Variants in CNTN4 observed in about 807,000 individuals in gnomAD.
CNTN4 encodes contactin 4, also known as contactin-4.
CNTN4 carries 77 observed loss-of-function variants against 122.5 expected under a neutral mutation model. The ratio of observed to expected loss-of-function variants is 0.63; its 90% CI spans 0.52 to 0.76. The LOEUF (loss-of-function observed/expected upper bound fraction) is 0.76, where lower values mean the gene tolerates loss of function less well. Among genes scored for constraint, CNTN4 ranks in the 30% least tolerant of loss-of-function variants. The pLI, the probability that CNTN4 is intolerant of heterozygous loss-of-function variation, is 0.00. For synonymous variants in CNTN4, 512 were observed against 447.0 expected, an observed-to-expected ratio of 1.15 and a Z score of -1.83; for missense variants, 1,256 against 1,259.1, an observed-to-expected ratio of 1.00 and a Z score of 0.04.
chr3:2,672,347 G>C (rs1017886772), intron 4 of CNTN4, among the ~76,000 whole-genome samples: 1 of 152,178 alleles, frequency 6.6e-6, no homozygotes, highest in Non-Finnish European at 1.5e-5. Flanking sequence ...CTGCTGCCTT[G>C]CAGTTTGATC....
chr3:2,707,041 T>G (rs1337856776), intron 4 of CNTN4, among the ~76,000 whole-genome samples: 1 of 152,054 alleles, frequency 6.6e-6, no homozygotes, highest in Non-Finnish European at 1.5e-5. Context: ...GGCTCATGCT[T>G]GTAGTCCCAG....
intron 2 of CNTN4, among the ~76,000 whole-genome samples, chr3:2,112,828 G>A (rs2033067301): frequency 6.6e-6 from 1 of 152,114 alleles, no homozygotes; most frequent in Non-Finnish European, 1.5e-5. Context: ...TTCCTGGAGA[G>A]AGACCCCCAT....
intron 4 of CNTN4, among the ~76,000 whole-genome samples, chr3:2,603,401 G>C (rs904225697): frequency 1.3e-5 from 2 of 152,106 alleles, no homozygotes; most frequent in African/African-American, 4.8e-5. Context: ...GGAAGTCCTG[G>C]TTTATCGGTA....
At chr3:2,576,230 A>G (rs1474357180) in intron 4 of CNTN4, among the ~76,000 whole-genome samples, 4 of 152,192 alleles carry the variant, frequency 2.6e-5, no homozygotes. Context: ...CTGTATTCCC[A>G]GCATCCAGAA....
chr3:2,249,570 T>C (rs1198304121), intron 2 of CNTN4, among the ~76,000 whole-genome samples: 2 of 151,858 alleles, frequency 1.3e-5, no homozygotes, highest in Non-Finnish European at 2.9e-5. Flanking sequence ...GTTTAGTCAT[T>C]TGTTGAGGTT....
At chr3:2,134,642 A>G (rs1216810507) in intron 2 of CNTN4, among the ~76,000 whole-genome samples, 1 of 152,108 alleles carries the variant, frequency 6.6e-6, no homozygotes, top group Non-Finnish European at 1.5e-5. Context: ...GGCTGGTCCT[A>G]TTTTTGGTTG....
At chr3:2,970,163 T>C (rs577471909) in intron 13 of CNTN4, among the ~76,000 whole-genome samples, 1 of 152,204 alleles carries the variant, frequency 6.6e-6, no homozygotes, top group Admixed American at 6.5e-5. Context: ...AGCATAATCG[T>C]AGCTCATTTT....
intron 6 of CNTN4, among the ~76,000 whole-genome samples, chr3:2,797,177 T>C (rs2092212352): frequency 6.6e-6 from 1 of 152,132 alleles, no homozygotes; most frequent in South Asian, 2.1e-4. Flanking sequence ...ATTTTTTAAT[T>C]TTTTGTCAAG....
chr3:2,260,253 T>C (rs922502434), intron 2 of CNTN4, among the ~76,000 whole-genome samples: 2 of 152,096 alleles, frequency 1.3e-5, no homozygotes, highest in Non-Finnish European at 2.9e-5. Context: ...GAGGGTGTCC[T>C]GCGCATTATA....
intron 8 of CNTN4, among the ~76,000 whole-genome samples, chr3:2,878,871 C>T (rs775958612): frequency 1.3e-5 from 2 of 151,988 alleles, no homozygotes; most frequent in African/African-American, 2.4e-5. Flanking sequence ...ATGAAGCAAG[C>T]AAGACAGTAG....
chr3:2,130,636 T>C (rs1352069675), intron 2 of CNTN4, among the ~76,000 whole-genome samples: 1 of 152,200 alleles, frequency 6.6e-6, no homozygotes, highest in African/African-American at 2.4e-5. Flanking sequence ...TTATTAGTTA[T>C]TGAAACTGGC....
intron 2 of CNTN4, among the ~76,000 whole-genome samples, chr3:2,311,313 G>A (rs189958150): frequency 1.2e-4 from 19 of 152,046 alleles, no homozygotes; most frequent in African/African-American, 3.6e-4. Context: ...CTGTCTTTCC[G>A]TCAACCCTAG....
At chr3:2,928,085 A>T (rs2094489875) in intron 13 of CNTN4, among the ~76,000 whole-genome samples, 1 of 152,258 alleles carries the variant, frequency 6.6e-6, no homozygotes. Flanking sequence ...ACTCAGCCAT[A>T]TGGAGACACA....
chr3:2,608,306 G>T (rs1041856047), intron 4 of CNTN4, among the ~76,000 whole-genome samples: 1 of 152,148 alleles, frequency 6.6e-6, no homozygotes, highest in African/African-American at 2.4e-5. Context: ...TTAATATTAG[G>T]CTCTTTTGCC....
chr3:2,823,826 A>G (rs921963424), intron 7 of CNTN4, among the ~76,000 whole-genome samples: 1 of 152,176 alleles, frequency 6.6e-6, no homozygotes, highest in African/African-American at 2.4e-5. Context: ...CCTTCATTTT[A>G]TGTCACCAAG....
intron 2 of CNTN4, among the ~76,000 whole-genome samples, chr3:2,272,945 TA>T (rs2041359418): frequency 1.3e-5 from 2 of 152,174 alleles, no homozygotes; most frequent in African/African-American, 4.8e-5. Context: ...CATATCTCCT[TA>T]GGGTTAAGTA....
chr3:2,875,715 T>G (rs955126579), intron 8 of CNTN4, among the ~76,000 whole-genome samples: 1 of 152,188 alleles, frequency 6.6e-6, no homozygotes, highest in African/African-American at 2.4e-5. Flanking sequence ...GACTGTCCAT[T>G]AAAATACTTG....
At chr3:2,790,190 A>G (rs1238087411) in intron 6 of CNTN4, among the ~76,000 whole-genome samples, 1 of 152,222 alleles carries the variant, frequency 6.6e-6, no homozygotes, top group Non-Finnish European at 1.5e-5. Flanking sequence ...TTAGAATTCA[A>G]ACCTGAGTTT....
chr3:2,907,011 TA>T (rs2094242386), intron 12 of CNTN4, among the ~76,000 whole-genome samples: 1 of 152,140 alleles, frequency 6.6e-6, no homozygotes, highest in Non-Finnish European at 1.5e-5. Context: ...GAAGGGCAGT[TA>T]AAGATTGAGT....
Sources: gnomAD v4.1 joint callset for allele counts (sites outside exome capture counted in the v4.1 genomes callset) on GRCh38, gnomAD v4.1.1 for gene constraint, MANE v1.5 for transcripts, NCBI Gene and HGNC (gene_info 2026-07-23, HGNC 2026-07-21) for gene names.